MSI1: variants seen among roughly 807,000 people sequenced by gnomAD.
The protein encoded by MSI1 is musashi RNA binding protein 1.
Under a neutral mutation model 54.4 loss-of-function variants are expected in MSI1, and 15 were observed. That is an observed-to-expected ratio of 0.28 (90% CI 0.18 to 0.42). MSI1 has a LOEUF of 0.42. Among genes scored for constraint, MSI1 ranks in the 20% least tolerant of loss-of-function variants. MSI1 has a pLI of 1.00. For missense variants in MSI1, 304 were observed against 506.0 expected (o/e 0.60, Z 3.83); for synonymous variants, 200 against 196.5 (o/e 1.02, Z -0.15).
At chr12:120,360,304 G>A (rs947151501) in intron 6 of MSI1, among the ~76,000 whole-genome samples, 1 of 152,128 alleles carries the variant, frequency 6.6e-6, no homozygotes, top group Non-Finnish European at 1.5e-5. Context: ...ACCTTCTAAA[G>A]GCCCTCCCCT....
Position 120,356,989 on chromosome 12 carries a change from C to T in MSI1, c.565G>A (p.Val189Met), listed in dbSNP as rs1166807366. Residue 189 changes from valine to methionine, a missense_variant, in exon 9 of 15, where the codon GTG (valine) becomes ATG (methionine). This residue lies in a region of MSI1 where 105 missense variants were observed against 230.1 expected (regional missense o/e 0.46). Coordinates refer to ENST00000257552, the MANE Select transcript of MSI1 (RefSeq NM_002442.4). ...VECKKAQPKE[V>M]MSPTGSARGR... ...CGGGCTGAGCCCGTTGGCGACATCA[C>T]CTCCTTTGGCTGAGCTTTCTTACAT... 1 of 1,614,276 alleles carries T rather than the reference C, an allele frequency of 6.2e-7. No individual in the cohort carries two copies. Among genetic ancestry groups the T allele is most frequent in the South Asian group, 1.1e-5 (1 of 91,086 alleles).
chr12:120,345,533 G>T, intron 14 of MSI1, 37 bp downstream of exon 14: 1 of 1,597,092 alleles, frequency 6.3e-7, no homozygotes, highest in Non-Finnish European at 8.6e-7. Flanking sequence ...GGCTTCCCCA[G>T]TGCCACCCCA....
intron 9 of MSI1, among the ~76,000 whole-genome samples, chr12:120,356,138 C>T (rs1449285816): frequency 1.3e-5 from 2 of 152,206 alleles, no homozygotes; most frequent in African/African-American, 4.8e-5. Context: ...CTCCCACAGC[C>T]TCCAGTCACT....
intron 10 of MSI1, among the ~76,000 whole-genome samples, chr12:120,351,798 T>C (rs1188133970): frequency 6.6e-6 from 1 of 150,486 alleles, no homozygotes; most frequent in Non-Finnish European, 1.5e-5. Context: ...AAGCTCCGCC[T>C]TCCGGGTTCA....
rs1171682074 is a variant in MSI1, at chr12:120,342,028, G to C, written c.*1099C>G. Reference sequence around the variant, plus strand: ...GAAACTTCAGTGAGAGAATGTGGGGGTTCCCTGAGACGCCCTTTGCTTTCC... The same window carrying C: ...GAAACTTCAGTGAGAGAATGTGGGGCTTCCCTGAGACGCCCTTTGCTTTCC... On this transcript the variant is annotated 3_prime_UTR_variant, in exon 15 of 15. Transcript: ENST00000257552. The C allele has an allele frequency of 1.3e-5, 2 of 151,316 alleles. No individual in the cohort carries two copies. The highest frequency in any genetic ancestry group is 3.9e-4 in the East Asian group (2 of 5,138). The allele number at this position is 151,316 out of a possible 1,614,324, so 9.4% of individuals were successfully genotyped here.
At chr12:120,365,426 C>G (rs999737766) in intron 4 of MSI1, among the ~76,000 whole-genome samples, 7 of 152,124 alleles carry the variant, frequency 4.6e-5, no homozygotes, top group Non-Finnish European at 7.4e-5. Context: ...GTCTAGCTCA[C>G]AGCAAAAACA....
At chr12:120,361,951 T>C (rs1308721512) in intron 6 of MSI1, among the ~76,000 whole-genome samples, 1 of 151,618 alleles carries the variant, frequency 6.6e-6, no homozygotes, top group Admixed American at 6.6e-5. Context: ...CTGGATCAGA[T>C]TAGTGCGAGC....
chr12:120,345,157 G>A (rs1287719843), intron 14 of MSI1, among the ~76,000 whole-genome samples: 1 of 151,502 alleles, frequency 6.6e-6, no homozygotes, highest in African/African-American at 2.4e-5. Context: ...TTTGAGACCA[G>A]CCTGGGCAAC....
intron 10 of MSI1, 132 bp from the exon 11 acceptor site, chr12:120,351,532 G>T (rs893026187): frequency 9.6e-6 from 7 of 731,876 alleles, no homozygotes; most frequent in Admixed American, 5.2e-5. Context: ...GAGCTGGGGA[G>T]GGGGAGAGCA....
chr12:120,354,206 G>T (rs896570774), intron 9 of MSI1, among the ~76,000 whole-genome samples: 1 of 151,812 alleles, frequency 6.6e-6, no homozygotes. Context: ...GGCTGGTCTC[G>T]AACTACTAGC....
intron 6 of MSI1, among the ~76,000 whole-genome samples, chr12:120,360,093 C>T (rs1875502384): frequency 6.6e-6 from 1 of 152,110 alleles, no homozygotes; most frequent in Non-Finnish European, 1.5e-5. Flanking sequence ...TTAAGGAATT[C>T]TCCTGCCTCA....
At chr12:120,348,612 G>A (rs1452644193) in intron 11 of MSI1, among the ~76,000 whole-genome samples, 6 of 151,366 alleles carry the variant, frequency 4.0e-5, no homozygotes, top group East Asian at 3.9e-4. Context: ...GGCTGGGTGC[G>A]GTGGCTCATG....
At chr12:120,364,797 AT>A (rs748830912) in intron 4 of MSI1, 42 bp from the exon 5 acceptor site, 14 of 1,568,602 alleles carry the variant, frequency 8.9e-6, no homozygotes, top group Non-Finnish European at 1.1e-5. Context: ...TGGTTATCGC[AT>A]TTTTAGAAGA....
In MSI1 at chr12:120,368,988, G is replaced by T; in HGVS notation, c.59+45C>A. The T allele has an allele frequency of 9.0e-7, 1 of 1,114,644 alleles. No homozygotes were observed. The highest frequency in any genetic ancestry group is 1.1e-6 in the Non-Finnish European group (1 of 910,356). The allele number at this position is 1,114,644 out of a possible 1,614,324, so 69.0% of individuals were successfully genotyped here. A position where few individuals can be genotyped will look rare whatever the true frequency, so the allele number is the denominator to read the frequency against. On this transcript the variant is annotated intron_variant, in intron 1 of 14. Coordinates refer to ENST00000257552, the MANE Select transcript of MSI1 (RefSeq NM_002442.4). The surrounding 1 kb of genome is among the most constrained non-coding windows in gnomAD (Gnocchi z 6.6). ...CCGGACCCGGATCGGCCATGTTGGC[G>T]GGGCCGGGGCGGGCGCGGGCCAAGC...
downstream of MSI1, among the ~76,000 whole-genome samples, chr12:120,340,105 T>C (rs1350188459): frequency 1.3e-5 from 2 of 149,552 alleles, no homozygotes; most frequent in African/African-American, 4.9e-5. Flanking sequence ...TTTTTTTTCT[T>C]TGAGACAGTC....
At chr12:120,346,654 T>TC (rs1220753556) in intron 12 of MSI1, among the ~76,000 whole-genome samples, 7 of 152,096 alleles carry the variant, frequency 4.6e-5, no homozygotes, top group African/African-American at 1.7e-4. Context: ...TCCTCCTGCC[T>TC]CCGTTCTCCA....
rs1876188477 is a variant in MSI1, at chr12:120,368,695, T to C, written c.100+138A>G. On this transcript the variant is annotated intron_variant, in intron 2 of 14. Coordinates refer to ENST00000257552, the MANE Select transcript of MSI1 (RefSeq NM_002442.4). The surrounding 1 kb of genome is among the most constrained non-coding windows in gnomAD (Gnocchi z 6.6). ...CGGATCGCCCTGCGCTCTCGGGGTC[T>C]CCGGGCGGGGCGCGAAAGAGGGCGC... 5 of 771,022 alleles carry C rather than the reference T, an allele frequency of 6.5e-6. No individual in the cohort carries two copies. Among genetic ancestry groups the C allele is most frequent in the African/African-American group, 5.6e-5 (3 of 53,922 alleles). 47.8% of individuals were successfully genotyped at this position (771,022 alleles called of 1,614,324 possible).
rs555720745 is a variant in MSI1 at position 120,365,737 on chromosome 12, G to A, written c.268-982C>T. ...TAGGCTTGGGGCAAGGCAGAGTGCA[G>A]TCTTCGGTGACGTGAAAGGGCATGG... On this transcript the variant is annotated intron_variant, in intron 4 of 14. Transcript: ENST00000257552. 2.0e-5 allele frequency among the ~76,000 whole-genome samples: 3 copies of A among 152,320 alleles called. No homozygotes were observed. The South Asian group carries it at 6.2e-4, about 32-fold the overall frequency.
In MSI1 at chr12:120,368,346, G is replaced by A; in HGVS notation, c.101-73C>T. ...CCCCCCCCCCCGTCCTTTGCCCCCGGTGACCCCGGAGCGGCCCGGCCGCCC... is the reference window on the plus strand; with the variant it reads ...CCCCCCCCCCCGTCCTTTGCCCCCGATGACCCCGGAGCGGCCCGGCCGCCC... On this transcript the variant is annotated intron_variant, in intron 2 of 14. Transcript: ENST00000257552. This position sits in a 1 kb window ranked among gnomAD's most constrained non-coding sequence, Gnocchi z 6.6. 6.9e-7 allele frequency: 1 copy of A among 1,455,094 alleles called. No homozygotes were observed. Among genetic ancestry groups the A allele is most frequent in the Non-Finnish European group, 9.1e-7 (1 of 1,098,338 alleles). 90.1% of individuals were successfully genotyped at this position (1,455,094 alleles called of 1,614,324 possible).
Sources: gnomAD v4.1 joint callset for allele counts (sites outside exome capture counted in the v4.1 genomes callset) on GRCh38, gnomAD v4.1.1 for gene constraint, gnomAD v4.1.1 regional missense constraint, Gnocchi (gnomAD v3.1) non-coding constraint, MANE v1.5 for transcripts, NCBI Gene and HGNC (gene_info 2026-07-23, HGNC 2026-07-21) for gene names.